SORBS2: variants seen among roughly 807,000 people sequenced by gnomAD.
SORBS2 encodes the protein sorbin and SH3 domain-containing protein 2.
In SORBS2, 46 loss-of-function variants were observed where a neutral mutation model predicts 97.7. The ratio of observed to expected loss-of-function variants is 0.47; its 90% confidence interval spans 0.37 to 0.60. The LOEUF (loss-of-function observed/expected upper bound fraction) is 0.60, where lower values mean the gene tolerates loss of function less well. Among genes scored for constraint, SORBS2 ranks in the 20% least tolerant of loss-of-function variants. SORBS2 has a pLI of 0.00. For missense variants in SORBS2, 1,316 were observed against 1,282.3 expected (o/e 1.03, Z -0.40); for synonymous variants, 476 against 473.4 (o/e 1.01, Z -0.07).
In SORBS2 at chr4:185,699,284, C is replaced by CTTTT. The variant is rs11435144; in HGVS notation, c.-197-20466_-197-20463dup. ...AAAGTTTATCCAGAATGAAATGTAC[C>CTTTT]TTTTTTTTTTTTTTTTTTTTGAGAC... On this transcript the variant is annotated intron_variant, in intron 2 of 20. Transcript: ENST00000284776. Among the ~76,000 whole-genome samples, 616 of 112,514 alleles carry CTTTT rather than the reference C, an allele frequency of 5.5e-3. 11 individuals carry two copies. Among genetic ancestry groups the CTTTT allele is most frequent in the Non-Finnish European group, 7.3e-3 (423 of 57,780 alleles). 73.8% of individuals were successfully genotyped at this position (112,514 alleles called of 152,430 possible). A position where few individuals can be genotyped will look rare whatever the true frequency, so the allele number is the denominator to read the frequency against.
chr4:185,869,760 A>C (rs1283991190), intron 1 of SORBS2, among the ~76,000 whole-genome samples: 2 of 152,362 alleles, frequency 1.3e-5, no homozygotes, highest in African/African-American at 2.4e-5. Context: ...GCAAAGTCTC[A>C]TAGACAAATC....
intron 1 of SORBS2, among the ~76,000 whole-genome samples, chr4:185,846,040 C>G (rs1158142809): frequency 6.6e-6 from 1 of 152,230 alleles, no homozygotes; most frequent in Non-Finnish European, 1.5e-5. Context: ...GCAGTCCCAA[C>G]TCCTTGGCAT....
intron 1 of SORBS2, among the ~76,000 whole-genome samples, chr4:185,852,046 G>A (rs1224186908): frequency 1.3e-5 from 2 of 152,182 alleles, no homozygotes; most frequent in Admixed American, 6.5e-5. Flanking sequence ...TATACCAGAA[G>A]ATAATTGTTT....
chr4:185,588,845 C>A (rs1336082352), intron 14 of SORBS2, among the ~76,000 whole-genome samples: 1 of 152,114 alleles, frequency 6.6e-6, no homozygotes, highest in African/African-American at 2.4e-5. Context: ...GAACTCCTGG[C>A]CTCAGGTAAT....
At chr4:185,908,847 C>T (rs1185145173) in intron 1 of SORBS2, among the ~76,000 whole-genome samples, 1 of 151,794 alleles carries the variant, frequency 6.6e-6, no homozygotes, top group Non-Finnish European at 1.5e-5. Context: ...TAAAATATAA[C>T]CCTTGCATAA....
intron 1 of SORBS2, among the ~76,000 whole-genome samples, chr4:185,943,092 C>A (rs2099272906): frequency 6.6e-6 from 1 of 152,166 alleles, no homozygotes; most frequent in South Asian, 2.1e-4. Context: ...TGACATTTTT[C>A]CTGATGAAAC....
intron 1 of SORBS2, among the ~76,000 whole-genome samples, chr4:185,780,609 T>A (rs564220881): frequency 2.8e-4 from 43 of 152,338 alleles, no homozygotes; most frequent in African/African-American, 9.4e-4. Flanking sequence ...CTCTTAAACC[T>A]ATGCTTTCTC....
chr4:185,607,207 G>A lies in SORBS2; in HGVS notation c.2796+4573C>T, dbSNP rs1263784752. The A allele has an allele frequency of 2.6e-6, 3 of 1,147,470 alleles. No individual in the cohort carries two copies. Among genetic ancestry groups the A allele is most frequent in the Non-Finnish European group, 3.3e-6 (3 of 921,604 alleles). The allele number at this position is 1,147,470 out of a possible 1,614,324, so 71.1% of individuals were successfully genotyped here. On this transcript the variant is annotated intron_variant, in intron 12 of 14. Transcript: ENST00000418609. The surrounding 1 kb of genome is among the most constrained non-coding windows in gnomAD (Gnocchi z 5.2). ...ACCCAAGAAGTTGTCCAGGAAACGA[G>A]GTGGTGTTGGGGCCAAAGGGTTTGC...
intron 9 of SORBS2, among the ~76,000 whole-genome samples, chr4:185,617,399 C>G (rs1278018055): frequency 6.6e-6 from 1 of 152,058 alleles, no homozygotes; most frequent in Non-Finnish European, 1.5e-5. Flanking sequence ...TTATCTAGTT[C>G]ATTTCCTATC....
intron 1 of SORBS2, among the ~76,000 whole-genome samples, chr4:185,878,870 C>T (rs2099235137): frequency 6.6e-6 from 1 of 152,168 alleles, no homozygotes; most frequent in Admixed American, 6.5e-5. Flanking sequence ...TCCCCACTTT[C>T]CGTGTGTGGC....
chr4:185,783,455 C>T (rs1271803713), intron 1 of SORBS2, among the ~76,000 whole-genome samples: 5 of 152,208 alleles, frequency 3.3e-5, no homozygotes, highest in Non-Finnish European at 5.9e-5. Flanking sequence ...TGGCTGTTAG[C>T]AACCTCATTG....
In SORBS2 at chr4:185,716,657, A is replaced by T. The variant is rs182190883; in HGVS notation, c.-197-37835T>A. Among the ~76,000 whole-genome samples, 32 of 152,172 alleles carry T rather than the reference A, an allele frequency of 2.1e-4. No homozygotes were observed. The East Asian group carries it at 5.2e-3, about 25-fold the overall frequency. ...GAAGGATGAATTCTTCTGGGCTCAC[A>T]TTTGCTTCTTTACTCCACAGATGGT... On this transcript the variant is annotated intron_variant, in intron 2 of 20. Coordinates refer to the SORBS2 transcript ENST00000284776.
At chr4:185,865,581 C>T (rs982267027) in intron 1 of SORBS2, among the ~76,000 whole-genome samples, 2 of 144,616 alleles carry the variant, frequency 1.4e-5, no homozygotes, top group South Asian at 2.4e-4. Context: ...AATGGGAACA[C>T]GGAAACGTAC....
chr4:185,586,834 A>AAAT (rs2095805939), exon 15 of SORBS2: 2 of 152,666 alleles, frequency 1.3e-5, no homozygotes, highest in Non-Finnish European at 2.9e-5. Context: ...TTTTAATATA[A>AAAT]AATAGCGATG....
At chr4:185,739,910 C>T (rs1485471181) in intron 2 of SORBS2, 1 of 152,584 alleles carries the variant, frequency 6.6e-6, no homozygotes, top group African/African-American at 2.4e-5. Flanking sequence ...ATTTCCATCC[C>T]TCTCCCATCT....
intron 1 of SORBS2, among the ~76,000 whole-genome samples, chr4:185,908,314 T>C (rs1212927623): frequency 7.6e-6 from 1 of 130,876 alleles, no homozygotes; most frequent in Non-Finnish European, 1.6e-5. Flanking sequence ...TATATATATA[T>C]ATATATATTT....
intron 1 of SORBS2, among the ~76,000 whole-genome samples, chr4:185,939,712 G>T (rs1205279426): frequency 1.3e-5 from 2 of 152,080 alleles, no homozygotes; most frequent in Non-Finnish European, 2.9e-5. Flanking sequence ...TTCTCCTAAA[G>T]TTGGTCAGGC....
At chr4:185,825,213 T>TG (rs1561208508) in intron 1 of SORBS2, among the ~76,000 whole-genome samples, 1 of 18,722 alleles carries the variant, frequency 5.3e-5, no homozygotes, top group Non-Finnish European at 1.5e-4. Flanking sequence ...CTGTTTTTTG[T>TG]TTTTTTTTTT....
At chr4:185,886,903 C>T (rs996315022) in intron 1 of SORBS2, among the ~76,000 whole-genome samples, 5 of 152,128 alleles carry the variant, frequency 3.3e-5, no homozygotes, top group African/African-American at 1.2e-4. Context: ...ATAACTTAGA[C>T]CAAATGGTCA....
Sources: allele counts gnomAD v4.1 joint callset (sites outside exome capture counted in the v4.1 genomes callset), GRCh38; gene constraint gnomAD v4.1.1; non-coding constraint Gnocchi (gnomAD v3.1); transcripts MANE v1.5; gene names NCBI Gene and HGNC (gene_info 2026-07-23, HGNC 2026-07-21).